The following EAF1 variants were observed in gnomAD, a reference collection of about 807,000 sequenced individuals.
EAF1 encodes the protein ELL associated factor 1.
Under a neutral mutation model 26.6 loss-of-function variants are expected in EAF1, and 19 were observed. That is an observed-to-expected ratio of 0.71 (90% CI 0.50 to 1.05). EAF1 has a LOEUF of 1.05. Ranked by LOEUF, EAF1 falls within the 50% of genes least tolerant of loss-of-function variation. EAF1 has a pLI of 0.00. For synonymous variants in EAF1, 102 were observed against 120.6 expected, an observed-to-expected ratio of 0.85 and a Z score of 1.01; for missense variants, 260 against 335.5, an observed-to-expected ratio of 0.78 and a Z score of 1.76.
At chr3:15,427,918 T>A (rs1457354049) in intron 1 of EAF1, 36 bp downstream of exon 1, 5 of 1,481,064 alleles carry the variant, frequency 3.4e-6, no homozygotes, top group Non-Finnish European at 4.5e-6. Context: ...CTTCGGCCGC[T>A]CCAGCCGCCA....
chr3:15,439,220 G>T lies in EAF1; in HGVS notation c.*65G>T. On this transcript the variant is annotated 3_prime_UTR_variant, in exon 6 of 6. Transcript: ENST00000396842. The stretch of plus-strand genomic sequence containing the variant: ...TGCCGCAAGACTGAGCTACTTTGGC[G>T]TGGAGTCCATTGCAAGAGGAAAATG... The T allele has an allele frequency of 6.5e-7, 1 of 1,533,582 alleles. No homozygotes were observed. The allele number at this position is 1,533,582 out of a possible 1,614,324, so 95.0% of individuals were successfully genotyped here.
Position 15,441,060 on chromosome 3 carries a change from T to TA in EAF1, c.*1905_*1906insA, listed in dbSNP as rs1243576975. On this transcript the variant is annotated 3_prime_UTR_variant, in exon 6 of 6. Coordinates refer to ENST00000396842, the MANE Select transcript of EAF1 (RefSeq NM_033083.7). Reference sequence around the variant, plus strand: ...GTAGACAGAACTATGGTTTTTGGCATGTTGGGTCAAGACGTGTTTCTATAG... The same window carrying TA: ...GTAGACAGAACTATGGTTTTTGGCATAGTTGGGTCAAGACGTGTTTCTATAG... 1 of 152,570 alleles carries TA rather than the reference T, an allele frequency of 6.6e-6. No individual in the cohort carries two copies. The highest frequency in any genetic ancestry group is 2.4e-5 in the African/African-American group (1 of 41,452). 9.5% of individuals were successfully genotyped at this position (152,570 alleles called of 1,614,324 possible). A position where few individuals can be genotyped will look rare whatever the true frequency, so the allele number is the denominator to read the frequency against.
intron 5 of EAF1, among the ~76,000 whole-genome samples, chr3:15,437,171 T>G (rs920806272): frequency 6.6e-6 from 1 of 151,922 alleles, no homozygotes; most frequent in African/African-American, 2.4e-5. Context: ...GCTGGGATTA[T>G]GGGTGTGAAC....
At chr3:15,434,766 T>A (rs1006503420) in intron 4 of EAF1, among the ~76,000 whole-genome samples, 4 of 152,224 alleles carry the variant, frequency 2.6e-5, no homozygotes, top group Non-Finnish European at 4.4e-5. Context: ...GTGGCTATCT[T>A]TGTAGCCATT....
Position 15,427,688 on chromosome 3 carries a change from G to A in EAF1, c.-92G>A. ...CCTTGTCTTCCAGAGCGGTGGCCCG[G>A]AAGCACAGTCCTCCCAGACGCCAGC... is the stretch of plus-strand genomic sequence containing the variant. On this transcript the variant is annotated 5_prime_UTR_variant, in exon 1 of 6. Transcript: ENST00000396842. The A allele has an allele frequency of 1.5e-6, 2 of 1,358,760 alleles. No individual in the cohort carries two copies. Among genetic ancestry groups the A allele is most frequent in the Non-Finnish European group, 2.0e-6 (2 of 978,234 alleles). 84.2% of individuals were successfully genotyped at this position (1,358,760 alleles called of 1,614,324 possible). A position where few individuals can be genotyped will look rare whatever the true frequency, so the allele number is the denominator to read the frequency against.
Position 15,427,735 on chromosome 3 carries a change from T to C in EAF1, c.-45T>C, listed in dbSNP as rs569693223. On this transcript the variant is annotated 5_prime_UTR_variant, in exon 1 of 6. Transcript: ENST00000396842. The stretch of plus-strand genomic sequence containing the variant: ...CAGCGCCAGAAGCTCGGATCGCGGC[T>C]GCACCGGGAGAGCGCCGATCTGGGT... 97 of 1,534,758 alleles carry C rather than the reference T, an allele frequency of 6.3e-5. 1 individual carries two copies. In the South Asian group the frequency reaches 1.1e-3, roughly 17 times the overall value.
At chr3:15,435,368 A>T (rs986127599) in intron 4 of EAF1, among the ~76,000 whole-genome samples, 1 of 152,244 alleles carries the variant, frequency 6.6e-6, no homozygotes, top group African/African-American at 2.4e-5. Context: ...AACTAAATCC[A>T]TAATAATAGT....
chr3:15,432,871 T>C (rs2061810398), intron 3 of EAF1, among the ~76,000 whole-genome samples: 1 of 151,750 alleles, frequency 6.6e-6, no homozygotes, highest in Non-Finnish European at 1.5e-5. Flanking sequence ...AGCTCACTTA[T>C]AATACAGTAA....
At chr3:15,433,605 A>G (rs961604748) in intron 3 of EAF1, among the ~76,000 whole-genome samples, 14 of 152,216 alleles carry the variant, frequency 9.2e-5, no homozygotes, top group African/African-American at 3.1e-4. Context: ...TCAGCTTGGG[A>G]TGGAATTCTG....
At position 15,437,244 on chromosome 3, in the gene EAF1, GGCTTTTTTTTT is replaced by G. The variant is rs543771407; in HGVS notation, c.760+670_760+680del. On this transcript the variant is annotated intron_variant, in intron 5 of 5. Coordinates refer to ENST00000396842, the MANE Select transcript of EAF1 (RefSeq NM_033083.7). ...ATCCACTGTCCCCAGACAGTGTGGT[GGCTTTTTTTTT>G]TTTTTTTTTCCTTCAGACAGAGTCT... 6.5e-3 allele frequency among the ~76,000 whole-genome samples: 834 copies of G among 128,116 alleles called. 8 individuals are homozygous for G. Among genetic ancestry groups the G allele is most frequent in the African/African-American group, 0.022 (748 of 33,512 alleles). 84.0% of individuals were successfully genotyped at this position (128,116 alleles called of 152,430 possible).
intron 1 of EAF1, among the ~76,000 whole-genome samples, chr3:15,429,065 C>T (rs1284686993): frequency 6.6e-6 from 1 of 152,140 alleles, no homozygotes; most frequent in East Asian, 1.9e-4. Flanking sequence ...TGCACCTGTC[C>T]TGCAGTTTGA....
intron 2 of EAF1, among the ~76,000 whole-genome samples, chr3:15,431,319 C>T (rs1213010524): frequency 1.3e-5 from 2 of 152,188 alleles, no homozygotes; most frequent in Non-Finnish European, 2.9e-5. Flanking sequence ...TCAGGGACAG[C>T]TTCCTTAAGG....
rs1367102105 is a variant in EAF1, at chr3:15,432,102, A to G, written c.214A>G (p.Met72Val). 1.2e-6 allele frequency: 2 copies of G among 1,614,140 alleles called. No homozygotes were observed. The highest frequency in any genetic ancestry group is 1.1e-5 in the South Asian group (1 of 91,084). Residue 72 changes from methionine (M) to valine (V), a missense_variant, in exon 3 of 6, where the codon ATG becomes GTG. Met to Val is a conservative substitution (Grantham distance 21). Transcript: ENST00000396842. Reference sequence around the variant, plus strand: ...TGGCAAATAGGGATCCACACCACCCATGACTGTGTTCAAGGGGAACAAACG... The same window carrying G: ...TGGCAAATAGGGATCCACACCACCCGTGACTGTGTTCAAGGGGAACAAACG... ...LPHIPGSTPP[M>V]TVFKGNKRPY...
rs145558221 is a variant in EAF1 at position 15,432,126 on chromosome 3, C to T, written c.238C>T (p.Arg80Trp). 11 of 1,613,934 alleles carry T rather than the reference C, an allele frequency of 6.8e-6. No homozygotes were observed. Among genetic ancestry groups the T allele is most frequent in the South Asian group, 4.4e-5 (4 of 91,084 alleles). Residue 80 changes from arginine to tryptophan, a missense_variant, in exon 3 of 6, where the codon CGG (arginine) becomes TGG (tryptophan). By Grantham distance (101) the Arg-to-Trp change is moderately radical. Transcript: ENST00000396842. ...CATGACTGTGTTCAAGGGGAACAAACGGCCTTACCAGAAAGACTGTGTGCT... is the reference window on the plus strand; with the variant it reads ...CATGACTGTGTTCAAGGGGAACAAATGGCCTTACCAGAAAGACTGTGTGCT... The part of the protein sequence containing the change: ...PPMTVFKGNK[R>W]PYQKDCVLII...
intron 4 of EAF1, chr3:15,436,032 A>G: frequency 5.4e-6 from 1 of 183,768 alleles, no homozygotes; most frequent in African/African-American, 2.3e-5. Context: ...AATATTCATA[A>G]TTTTTCTTTT....
At position 15,432,151 on chromosome 3, in the gene EAF1, T is replaced by C. The variant is rs781024419; in HGVS notation, c.263T>C (p.Leu88Pro). ...NKRPYQKDCV[L>P]IINHDTGEYV... is the part of the protein sequence containing the mutation. ...CGGCCTTACCAGAAAGACTGTGTGC[T>C]TATTATTAATCATGACACTGGTGAA... is the stretch of plus-strand genomic sequence containing the variant. Residue 88 changes from leucine to proline, a missense_variant, in exon 3 of 6, where the codon CTT becomes CCT. By Grantham distance (98) the Leu-to-Pro change is moderately conservative. Transcript: ENST00000396842. The C allele has an allele frequency of 3.1e-6, 5 of 1,614,188 alleles. No homozygotes were observed. In the South Asian group the frequency reaches 5.5e-5, roughly 18 times the overall value.
chr3:15,439,238 G>A lies in EAF1; in HGVS notation c.*83G>A, dbSNP rs996928163. 3 of 1,390,378 alleles carry A rather than the reference G, an allele frequency of 2.2e-6. No individual in the cohort carries two copies. The highest frequency in any genetic ancestry group is 3.0e-6 in the Non-Finnish European group (3 of 993,546). The allele number at this position is 1,390,378 out of a possible 1,614,324, so 86.1% of individuals were successfully genotyped here. A position where few individuals can be genotyped will look rare whatever the true frequency, so the allele number is the denominator to read the frequency against. ...CTTTGGCGTGGAGTCCATTGCAAGAGGAAAATGTTATGGATCAGTGACTGT... is the reference window on the plus strand; with the variant it reads ...CTTTGGCGTGGAGTCCATTGCAAGAAGAAAATGTTATGGATCAGTGACTGT... On this transcript the variant is annotated 3_prime_UTR_variant, in exon 6 of 6. Coordinates refer to ENST00000396842, the MANE Select transcript of EAF1 (RefSeq NM_033083.7).
chr3:15,435,912 T>C (rs971549872), intron 4 of EAF1, among the ~76,000 whole-genome samples: 1 of 152,166 alleles, frequency 6.6e-6, no homozygotes, highest in Non-Finnish European at 1.5e-5. Context: ...TAGAGGTAAA[T>C]CCAAAACAAG....
rs755228974 is a variant in EAF1, at chr3:15,427,741, G to A, written c.-39G>A. On this transcript the variant is annotated 5_prime_UTR_variant, in exon 1 of 6. Transcript: ENST00000396842. ...CAGAAGCTCGGATCGCGGCTGCACC[G>A]GGAGAGCGCCGATCTGGGTGCGAGG... 290 of 1,513,430 alleles carry A rather than the reference G, an allele frequency of 1.9e-4. No individual in the cohort carries two copies. The highest frequency in any genetic ancestry group is 2.5e-4 in the Non-Finnish European group (279 of 1,113,360). 93.8% of individuals were successfully genotyped at this position (1,513,430 alleles called of 1,614,324 possible).
Sources: allele counts gnomAD v4.1 joint callset (sites outside exome capture counted in the v4.1 genomes callset), GRCh38; gene constraint gnomAD v4.1.1; transcripts MANE v1.5; gene names NCBI Gene and HGNC (gene_info 2026-07-23, HGNC 2026-07-21).